PCP4L1: variants seen among roughly 807,000 people sequenced by gnomAD.
The protein encoded by PCP4L1 is Purkinje cell protein 4 like 1, also known as Purkinje cell protein 4-like protein 1.
Under a neutral mutation model 9.6 loss-of-function variants are expected in PCP4L1, and 9 were observed. The ratio of observed to expected loss-of-function variants is 0.94; its 90% CI spans 0.57 to 1.64. The LOEUF is 1.64. Ranked by LOEUF, PCP4L1 falls within the 40% of genes most tolerant of loss-of-function variation. PCP4L1 has a pLI of 0.00. For synonymous variants in PCP4L1, 31 were observed against 28.2 expected (o/e 1.10, Z -0.31); for missense variants, 81 against 80.8 (o/e 1.00, Z -0.01).
At chr1:161,274,142 G>C (rs192017098) in intron 1 of PCP4L1, among the ~76,000 whole-genome samples, 67 of 152,336 alleles carry the variant, frequency 4.4e-4, no homozygotes, top group African/African-American at 1.5e-3. Flanking sequence ...ACTTAGAAAA[G>C]TAGCTGGCAC....
chr1:161,274,676 A>G (rs1016679573), intron 1 of PCP4L1, among the ~76,000 whole-genome samples: 1 of 152,208 alleles, frequency 6.6e-6, no homozygotes, highest in African/African-American at 2.4e-5. Context: ...GAGACCAGAG[A>G]CTAATAAAGG....
chr1:161,275,877 C>A (rs1669691110), intron 1 of PCP4L1, among the ~76,000 whole-genome samples: 1 of 149,860 alleles, frequency 6.7e-6, no homozygotes, highest in Non-Finnish European at 1.5e-5. Context: ...CTCATTGCAA[C>A]CTCCGCCTCC....
intron 1 of PCP4L1, among the ~76,000 whole-genome samples, chr1:161,264,089 T>G (rs540612550): frequency 1.5e-4 from 22 of 151,686 alleles, no homozygotes; most frequent in African/African-American, 5.1e-4. Flanking sequence ...TTTGTATTTT[T>G]TTTAGTAGAG....
At chr1:161,283,781 A>G in intron 2 of PCP4L1, 59 bp downstream of exon 2, 2 of 1,496,494 alleles carry the variant, frequency 1.3e-6, no homozygotes, top group Non-Finnish European at 1.8e-6. Flanking sequence ...CATAAAGACA[A>G]GTAGGGTGAG....
rs11312983 is a variant in PCP4L1 at position 161,276,681 on chromosome 1, T to TA, written c.10-6973dup. Among the ~76,000 whole-genome samples the TA allele has an allele frequency of 6.9e-3, 968 of 139,576 alleles. 12 individuals are homozygous for TA. The highest frequency in any genetic ancestry group is 0.023 in the African/African-American group (877 of 37,800). 91.6% of individuals were successfully genotyped at this position (139,576 alleles called of 152,430 possible). A position where few individuals can be genotyped will look rare whatever the true frequency, so the allele number is the denominator to read the frequency against. ...GGGTGACAAAGCAAGACTTATCTCT[T>TA]AAAAAAAAAAAAAAGGAAAATATGT... is the stretch of plus-strand genomic sequence containing the variant. On this transcript the variant is annotated intron_variant, in intron 1 of 2. Coordinates refer to ENST00000504449, the MANE Select transcript of PCP4L1 (RefSeq NM_001102566.2).
intron 1 of PCP4L1, among the ~76,000 whole-genome samples, chr1:161,264,987 A>G (rs1669506214): frequency 6.6e-6 from 1 of 152,226 alleles, no homozygotes; most frequent in Non-Finnish European, 1.5e-5. Context: ...CAGGATGCCT[A>G]GTCACCTTAA....
chr1:161,262,512 G>C (rs564938695), intron 1 of PCP4L1, among the ~76,000 whole-genome samples: 19 of 151,174 alleles, frequency 1.3e-4, no homozygotes, highest in Non-Finnish European at 1.6e-4. Context: ...ATGAGAACTT[G>C]CTCATCCCTT....
In PCP4L1 at chr1:161,258,955, C is replaced by A. The variant is rs916787484; in HGVS notation, c.-20C>A. On this transcript the variant is annotated 5_prime_UTR_variant, in exon 1 of 3. Coordinates refer to ENST00000504449, the MANE Select transcript of PCP4L1 (RefSeq NM_001102566.2). ...TCACCTGTGCGTGCAGCGCCTCGCG[C>A]GCCCTGTCCGGCTGCGGAGATGAGC... 6.5e-7 allele frequency: 1 copy of A among 1,534,536 alleles called. No homozygotes were observed. Among genetic ancestry groups the A allele is most frequent in the Non-Finnish European group, 8.7e-7 (1 of 1,146,020 alleles).
intron 1 of PCP4L1, among the ~76,000 whole-genome samples, chr1:161,277,880 A>G (rs1007804422): frequency 6.6e-6 from 1 of 152,198 alleles, no homozygotes; most frequent in African/African-American, 2.4e-5. Context: ...TCATTGAGAC[A>G]ATGGAAACAA....
At chr1:161,276,643 T>G (rs1669702033) in intron 1 of PCP4L1, among the ~76,000 whole-genome samples, 1 of 149,912 alleles carries the variant, frequency 6.7e-6, no homozygotes, top group Non-Finnish European at 1.5e-5. Context: ...ATTGTGCCAC[T>G]GCACTCCAGC....
At chr1:161,270,568 T>C (rs1335685726) in intron 1 of PCP4L1, among the ~76,000 whole-genome samples, 1 of 18,928 alleles carries the variant, frequency 5.3e-5, no homozygotes, top group Admixed American at 4.8e-4. Flanking sequence ...GACCCCAGGC[T>C]CAAAAAAAAA....
intron 1 of PCP4L1, 38 bp downstream of exon 1, chr1:161,259,021 C>CG (rs1669373507): frequency 6.6e-7 from 1 of 1,525,704 alleles, no homozygotes; most frequent in African/African-American, 1.4e-5. Context: ...GGCAGGGCTG[C>CG]GGCGGGGAGG....
intron 1 of PCP4L1, among the ~76,000 whole-genome samples, chr1:161,282,022 A>G (rs7530594): frequency 0.46 from 69,492 of 151,794 alleles, 16,308 homozygotes; most frequent in East Asian, 0.64. Flanking sequence ...GCACTTTGGG[A>G]GGCCAAGGCA....
intron 2 of PCP4L1, 36 bp from the exon 3 acceptor site, chr1:161,284,303 G>A: frequency 6.2e-7 from 1 of 1,613,940 alleles, no homozygotes; most frequent in Non-Finnish European, 8.5e-7. Context: ...GAGCAGGTCA[G>A]ATTAACTCAT....
At chr1:161,274,858 T>C (rs4657004) in intron 1 of PCP4L1, among the ~76,000 whole-genome samples, 69,372 of 151,748 alleles carry the variant, frequency 0.46, 16,237 homozygotes, top group East Asian at 0.64. Flanking sequence ...TGCACCCCTT[T>C]CAGTGGAAGG....
At chr1:161,269,103 A>G (rs1436763395) in intron 1 of PCP4L1, among the ~76,000 whole-genome samples, 4 of 152,108 alleles carry the variant, frequency 2.6e-5, no homozygotes, top group Non-Finnish European at 1.5e-5. Flanking sequence ...ATGTAATGGT[A>G]AGGCCTAAGC....
rs977218052 is a variant in PCP4L1 at position 161,277,548 on chromosome 1, G to T, written c.10-6120G>T. Among the ~76,000 whole-genome samples the T allele has an allele frequency of 2.0e-5, 3 of 152,292 alleles. No individual in the cohort carries two copies. In the East Asian group the frequency reaches 5.8e-4, roughly 29 times the overall value. On this transcript the variant is annotated intron_variant, in intron 1 of 2. Coordinates refer to ENST00000504449, the MANE Select transcript of PCP4L1 (RefSeq NM_001102566.2). The stretch of plus-strand genomic sequence containing the variant: ...ATAATAAACAATACATATTATTTGG[G>T]TCCTTATCTCCTCTAAAATCACTTA...
chr1:161,275,714 G>A (rs1009895909), intron 1 of PCP4L1, among the ~76,000 whole-genome samples: 1 of 151,660 alleles, frequency 6.6e-6, no homozygotes, highest in African/African-American at 2.4e-5. Flanking sequence ...TGAGACTATA[G>A]AACTTGCCTC....
At chr1:161,261,123 G>A (rs896338237) in intron 1 of PCP4L1, among the ~76,000 whole-genome samples, 2 of 152,180 alleles carry the variant, frequency 1.3e-5, no homozygotes, top group Non-Finnish European at 2.9e-5. Context: ...TCAGGTGGAA[G>A]AGCCCCGCCC....
Sources: allele counts gnomAD v4.1 joint callset (sites outside exome capture counted in the v4.1 genomes callset), GRCh38; gene constraint gnomAD v4.1.1; transcripts MANE v1.5; gene names NCBI Gene and HGNC (gene_info 2026-07-23, HGNC 2026-07-21).